The following LIMS1 variants were observed in gnomAD, a reference collection of about 807,000 sequenced individuals.
LIMS1 encodes LIM zinc finger domain containing 1, also known as LIM and senescent cell antigen-like-containing domain protein 1.
Under a neutral mutation model 44.1 loss-of-function variants are expected in LIMS1, and 18 were observed. The ratio of observed to expected loss-of-function variants is 0.41; its 90% CI spans 0.28 to 0.61. The LOEUF is 0.61. Ranked by LOEUF, LIMS1 falls within the 20% of genes least tolerant of loss-of-function variation. The probability of loss-of-function intolerance (pLI) is 0.32; values close to 1 mark genes in which losing one functional copy is unlikely to be tolerated. For synonymous variants in LIMS1, 93 were observed against 149.1 expected (o/e 0.62, Z 2.74); for missense variants, 201 against 422.0 (o/e 0.48, Z 4.59).
intron 1 of LIMS1, among the ~76,000 whole-genome samples, chr2:108,614,794 T>C (rs1558810604): frequency 6.6e-6 from 1 of 152,178 alleles, no homozygotes; most frequent in Non-Finnish European, 1.5e-5. Flanking sequence ...AAAAACAATT[T>C]TGAAGTGAAA....
At chr2:108,578,295 AT>A (rs1685745289) in intron 1 of LIMS1, among the ~76,000 whole-genome samples, 1 of 152,178 alleles carries the variant, frequency 6.6e-6, no homozygotes, top group Admixed American at 6.5e-5. Context: ...TCATTCAATT[AT>A]TTTTAAGAGC....
chr2:108,569,561 T>C lies in LIMS1; in HGVS notation c.32+34967T>C, dbSNP rs149001861. Among the ~76,000 whole-genome samples the C allele has an allele frequency of 6.6e-5, 10 of 152,292 alleles. No individual in the cohort carries two copies. The East Asian group carries it at 1.7e-3, about 26-fold the overall frequency. ...TGTCCGGTTTTCCTAGCATCATTTG[T>C]TGAAGAAACTGTTCTTTCCCATCTT... On this transcript the variant is annotated intron_variant, in intron 1 of 9. Transcript: ENST00000544547.
At chr2:108,551,798 GTATA>G (rs1267375188) in intron 1 of LIMS1, among the ~76,000 whole-genome samples, 2 of 142,798 alleles carry the variant, frequency 1.4e-5, no homozygotes, top group Non-Finnish European at 3.0e-5. Flanking sequence ...AGATATATCT[GTATA>G]TATGTATATG....
chr2:108,682,251 G>A (rs1362879289), intron 9 of LIMS1, among the ~76,000 whole-genome samples: 2 of 152,130 alleles, frequency 1.3e-5, no homozygotes, highest in Admixed American at 6.5e-5. Context: ...GGTGGCTCAC[G>A]CCTGTGATCC....
intron 1 of LIMS1, among the ~76,000 whole-genome samples, chr2:108,536,201 CT>C (rs949623258): frequency 3.5e-4 from 53 of 152,180 alleles, no homozygotes; most frequent in South Asian, 1.9e-3. Flanking sequence ...TAGTAATTTA[CT>C]TTTTGGAGGG....
intron 1 of LIMS1, among the ~76,000 whole-genome samples, chr2:108,651,958 GGCTGGAGCTGAAAGTT>G (rs1262452473): frequency 2.2e-4 from 29 of 134,232 alleles, no homozygotes; most frequent in Non-Finnish European, 6.3e-5. Flanking sequence ...AAGGGGTTGG[GGCTGGAGCTGAAAGTT>G]GCAGCCTTCT....
At chr2:108,561,940 C>T (rs1685139883) in intron 1 of LIMS1, among the ~76,000 whole-genome samples, 1 of 151,878 alleles carries the variant, frequency 6.6e-6, no homozygotes, top group Admixed American at 6.6e-5. Flanking sequence ...GACAGGGTTT[C>T]ACCATGTTGG....
chr2:108,686,742 C>G (rs1416524999), exon 10 of LIMS1: 1 of 150,810 alleles, frequency 6.6e-6, no homozygotes, highest in African/African-American at 2.4e-5. Context: ...CACCACTGCA[C>G]TCCAGCCTGG....
chr2:108,599,616 T>G (rs1425343844), intron 1 of LIMS1, among the ~76,000 whole-genome samples: 1 of 152,216 alleles, frequency 6.6e-6, no homozygotes, highest in East Asian at 1.9e-4. Context: ...TTCTTCACAG[T>G]GATTGTACTC....
At position 108,534,408 on chromosome 2, in the gene LIMS1, C is replaced by A. The variant is rs543735899; in HGVS notation, c.-155C>A. ...CGCGCGGCCCGCCTCGCCTTCCCCC[C>A]CCTCCCGCGCCCCCGCGCGGCCGGC... is the stretch of plus-strand genomic sequence containing the variant. On this transcript the variant is annotated 5_prime_UTR_variant, in exon 1 of 10. Coordinates refer to ENST00000544547, the Ensembl canonical transcript of LIMS1. The A allele has an allele frequency of 2.8e-3, 1,098 of 385,522 alleles. 4 individuals are homozygous for A. The South Asian group carries it at 0.031, about 11-fold the overall frequency. 23.9% of individuals were successfully genotyped at this position (385,522 alleles called of 1,614,324 possible).
At chr2:108,635,482 C>T (rs1406462078) in intron 1 of LIMS1, among the ~76,000 whole-genome samples, 1 of 147,826 alleles carries the variant, frequency 6.8e-6, no homozygotes. Flanking sequence ...TTCAGGAGGC[C>T]AAGGCGGGTG....
intron 1 of LIMS1, chr2:108,588,481 G>A (rs1045618182): frequency 1.5e-5 from 15 of 985,590 alleles, no homozygotes; most frequent in African/African-American, 1.7e-5. Context: ...TGAATTAAGA[G>A]AAGGGGAGCT....
intron 1 of LIMS1, among the ~76,000 whole-genome samples, chr2:108,562,796 CA>C (rs1297465371): frequency 6.6e-6 from 1 of 152,140 alleles, no homozygotes; most frequent in Non-Finnish European, 1.5e-5. Flanking sequence ...TCAGTGTAGA[CA>C]AAATAGCCTT....
intron 1 of LIMS1, among the ~76,000 whole-genome samples, chr2:108,629,958 C>CA (rs1490459758): frequency 6.6e-6 from 1 of 152,102 alleles, no homozygotes; most frequent in Non-Finnish European, 1.5e-5. Context: ...TTTGGGAGGC[C>CA]AAGCCGGGTG....
At chr2:108,551,630 ATATATATG>A (rs1389315820) in intron 1 of LIMS1, among the ~76,000 whole-genome samples, 1 of 144,910 alleles carries the variant, frequency 6.9e-6, no homozygotes, top group African/African-American at 2.5e-5. Flanking sequence ...ATATATGTGT[ATATATATG>A]TATATATGTG....
At chr2:108,664,896 GA>G (rs1412406152) in intron 2 of LIMS1, among the ~76,000 whole-genome samples, 1 of 152,082 alleles carries the variant, frequency 6.6e-6, no homozygotes, top group Non-Finnish European at 1.5e-5. Flanking sequence ...TCAATTTCTG[GA>G]TCCTTTTCTC....
intron 1 of LIMS1, among the ~76,000 whole-genome samples, chr2:108,558,870 C>T (rs796384258): frequency 9.2e-5 from 14 of 151,940 alleles, no homozygotes; most frequent in African/African-American, 3.4e-4. Flanking sequence ...GGGGTTTCAC[C>T]ATGTTGGCCA....
At chr2:108,582,635 G>T (rs1685931382) in intron 1 of LIMS1, among the ~76,000 whole-genome samples, 2 of 152,136 alleles carry the variant, frequency 1.3e-5, no homozygotes, top group African/African-American at 2.4e-5. Flanking sequence ...AGGTGTGGTG[G>T]CATGTGCCTG....
chr2:108,607,157 A>G (rs1033441275), intron 1 of LIMS1: 4 of 1,523,242 alleles, frequency 2.6e-6, no homozygotes, highest in Non-Finnish European at 3.6e-6. Flanking sequence ...CCCTTCCTGC[A>G]TGTGAGGACA....
Sources: gnomAD v4.1 joint callset for allele counts (sites outside exome capture counted in the v4.1 genomes callset) on GRCh38, gnomAD v4.1.1 for gene constraint, MANE v1.5 for transcripts, NCBI Gene and HGNC (gene_info 2026-07-23, HGNC 2026-07-21) for gene names.